Variants in PRKD1 observed in about 807,000 individuals in gnomAD.
The protein encoded by PRKD1 is serine/threonine-protein kinase D1.
PRKD1 carries 63 observed loss-of-function variants against 95.9 expected under a neutral mutation model. The ratio of observed to expected loss-of-function variants is 0.66; its 90% CI spans 0.54 to 0.81. PRKD1 has a LOEUF of 0.81. Ranked by LOEUF, PRKD1 falls within the 30% of genes least tolerant of loss-of-function variation. The probability of loss-of-function intolerance (pLI) is 0.00; values close to 1 mark genes in which losing one functional copy is unlikely to be tolerated. For missense variants in PRKD1, 1,048 were observed against 1,165.3 expected (o/e 0.90, Z 1.47); for synonymous variants, 425 against 423.1 (o/e 1.00, Z -0.05).
intron 4 of PRKD1, among the ~76,000 whole-genome samples, chr14:29,662,489 G>C (rs181073004): frequency 2.0e-5 from 3 of 152,178 alleles, no homozygotes; most frequent in African/African-American, 7.2e-5. Flanking sequence ...TGTTCTTCTA[G>C]TTATTGGTGA....
At chr14:29,734,956 G>C (rs1886645446) in intron 1 of PRKD1, among the ~76,000 whole-genome samples, 1 of 152,110 alleles carries the variant, frequency 6.6e-6, no homozygotes, top group South Asian at 2.1e-4. Flanking sequence ...GGAAGCTCAG[G>C]TGTTTGTAGT....
chr14:29,677,420 G>A (rs959935541), intron 2 of PRKD1, among the ~76,000 whole-genome samples: 1 of 152,152 alleles, frequency 6.6e-6, no homozygotes, highest in Admixed American at 6.5e-5. Context: ...GCCTACACAT[G>A]AATTTTCTAA....
chr14:29,763,869 C>T (rs1888140007), intron 1 of PRKD1, among the ~76,000 whole-genome samples: 1 of 152,156 alleles, frequency 6.6e-6, no homozygotes, highest in African/African-American at 2.4e-5. Context: ...TTAGGATATA[C>T]TATCTGTTTG....
chr14:29,580,706 T>C (rs925906996), intron 16 of PRKD1, among the ~76,000 whole-genome samples: 9 of 152,274 alleles, frequency 5.9e-5, no homozygotes, highest in African/African-American at 2.2e-4. Context: ...AAATGCGTTT[T>C]ACTAAACATT....
chr14:29,611,469 T>G (rs1490490909), intron 13 of PRKD1, among the ~76,000 whole-genome samples: 2 of 150,686 alleles, frequency 1.3e-5, no homozygotes, highest in Non-Finnish European at 3.0e-5. Context: ...TTTTAGGGGG[T>G]GGGGGGAGTG....
chr14:29,587,252 T>C (rs1297239758), intron 16 of PRKD1, among the ~76,000 whole-genome samples: 5 of 152,210 alleles, frequency 3.3e-5, no homozygotes, highest in Admixed American at 3.3e-4. Flanking sequence ...CTAGAACAAT[T>C]TGGTAATATT....
At chr14:29,614,068 C>T (rs1006651664) in intron 13 of PRKD1, among the ~76,000 whole-genome samples, 2 of 152,154 alleles carry the variant, frequency 1.3e-5, no homozygotes, top group African/African-American at 4.8e-5. Flanking sequence ...TTTCCATCCC[C>T]AAGTTTGCTT....
intron 1 of PRKD1, among the ~76,000 whole-genome samples, chr14:29,741,147 A>AT (rs1052820947): frequency 6.6e-6 from 1 of 152,208 alleles, no homozygotes; most frequent in African/African-American, 2.4e-5. Context: ...CAGAAAAAAA[A>AT]TAACGATTAG....
chr14:29,719,037 T>C (rs1885758582), intron 2 of PRKD1, among the ~76,000 whole-genome samples: 1 of 152,004 alleles, frequency 6.6e-6, no homozygotes, highest in Non-Finnish European at 1.5e-5. Flanking sequence ...ATATATAAAG[T>C]CAGTAATTTG....
At chr14:29,861,809 C>T (rs140274207) in intron 1 of PRKD1, among the ~76,000 whole-genome samples, 27,483 of 152,028 alleles carry the variant, frequency 0.18, 2,679 homozygotes, top group East Asian at 0.36. Flanking sequence ...TGTGCCACCA[C>T]ACCCAGCTAA....
intron 2 of PRKD1, among the ~76,000 whole-genome samples, chr14:29,702,511 A>G (rs909832868): frequency 1.3e-5 from 2 of 152,020 alleles, no homozygotes; most frequent in Non-Finnish European, 2.9e-5. Context: ...TATCTCAGAA[A>G]TAGATGCAAA....
intron 1 of PRKD1, among the ~76,000 whole-genome samples, chr14:29,899,868 C>T (rs1217584719): frequency 6.6e-6 from 1 of 152,092 alleles, no homozygotes; most frequent in Non-Finnish European, 1.5e-5. Context: ...GGGAGAGGGA[C>T]CTGGTGGGAG....
chr14:29,630,657 C>T lies in PRKD1; in HGVS notation c.1672+85G>A, dbSNP rs1232756844. On this transcript the variant is annotated intron_variant, in intron 10 of 17. Transcript: ENST00000331968. ...CCAAGAAGTCTTTCTTCATTCTGTT[C>T]TTAGGAAGGGCAGGGCACATGTTTA... The T allele has an allele frequency of 1.9e-6, 3 of 1,541,926 alleles. 1 individual carries two copies. The highest frequency in any genetic ancestry group is 3.4e-4 in the Middle Eastern group (2 of 5,800).
chr14:29,837,419 T>C (rs1382078430), intron 1 of PRKD1, among the ~76,000 whole-genome samples: 1 of 152,184 alleles, frequency 6.6e-6, no homozygotes, highest in Non-Finnish European at 1.5e-5. Context: ...GCACTATGAT[T>C]GTTTATTCAG....
chr14:29,872,530 T>C (rs1281244044), intron 1 of PRKD1, among the ~76,000 whole-genome samples: 1 of 151,914 alleles, frequency 6.6e-6, no homozygotes, highest in Non-Finnish European at 1.5e-5. Context: ...CTTGCACCTG[T>C]AGTCCCAGCT....
chr14:29,789,552 G>A (rs1889440365), intron 1 of PRKD1, among the ~76,000 whole-genome samples: 1 of 152,168 alleles, frequency 6.6e-6, no homozygotes, highest in African/African-American at 2.4e-5. Context: ...GGGCTGTCGT[G>A]AGACTGCTGG....
intron 4 of PRKD1, among the ~76,000 whole-genome samples, chr14:29,639,505 G>A (rs10138726): frequency 0.01 from 1,535 of 152,174 alleles, 22 homozygotes; most frequent in African/African-American, 0.034. Flanking sequence ...TGTAATCCCA[G>A]CTACTCGGTA....
intron 4 of PRKD1, among the ~76,000 whole-genome samples, chr14:29,649,527 A>G (rs1343934706): frequency 6.6e-6 from 1 of 150,616 alleles, no homozygotes; most frequent in Non-Finnish European, 1.5e-5. Flanking sequence ...GAGCTGCGAG[A>G]GTTTGTAATA....
intron 2 of PRKD1, among the ~76,000 whole-genome samples, chr14:29,708,185 T>A (rs967268952): frequency 2.6e-5 from 4 of 152,032 alleles, no homozygotes; most frequent in Non-Finnish European, 5.9e-5. Flanking sequence ...GATGTCCAAA[T>A]CAAGTCCCCA....
Sources: gnomAD v4.1 joint callset for allele counts (sites outside exome capture counted in the v4.1 genomes callset) on GRCh38, gnomAD v4.1.1 for gene constraint, MANE v1.5 for transcripts, NCBI Gene and HGNC (gene_info 2026-07-23, HGNC 2026-07-21) for gene names.